The following PTGR1 variants were observed in gnomAD, a reference collection of about 807,000 sequenced individuals.
The protein encoded by PTGR1 is prostaglandin reductase 1.
Under a neutral mutation model 37.7 loss-of-function variants are expected in PTGR1, and 23 were observed. The observed-to-expected ratio is 0.61, with a 90% CI of 0.44 to 0.86. PTGR1 has a LOEUF of 0.86. Ranked by LOEUF, PTGR1 falls within the 40% of genes least tolerant of loss-of-function variation. The pLI is 0.00. For synonymous variants in PTGR1, 134 were observed against 140.0 expected (o/e 0.96, Z 0.30); for missense variants, 351 against 394.3 (o/e 0.89, Z 0.93).
intron 9 of PTGR1, among the ~76,000 whole-genome samples, chr9:111,568,191 T>C (rs921584489): frequency 6.6e-6 from 1 of 152,196 alleles, no homozygotes; most frequent in Non-Finnish European, 1.5e-5. Flanking sequence ...AGAGAGCCTA[T>C]AAATGGATGT....
intron 9 of PTGR1, chr9:111,564,277 T>TTTA (rs3031175): frequency 0.093 from 45,116 of 484,818 alleles, 2,568 homozygotes; most frequent in African/African-American, 0.21. Flanking sequence ...AATTTAAACT[T>TTTA]TTATTATTAT....
intron 3 of PTGR1, among the ~76,000 whole-genome samples, chr9:111,593,558 C>T (rs1441232190): frequency 6.6e-6 from 1 of 152,200 alleles, no homozygotes; most frequent in Non-Finnish European, 1.5e-5. Context: ...CACAGATTCA[C>T]CTACATTAAA....
At chr9:111,586,489 G>A (rs1280560527) in intron 4 of PTGR1, among the ~76,000 whole-genome samples, 1 of 152,064 alleles carries the variant, frequency 6.6e-6, no homozygotes, top group Non-Finnish European at 1.5e-5. Context: ...TTCTTCAGGT[G>A]TCGCTCTCTT....
intron 2 of PTGR1, among the ~76,000 whole-genome samples, chr9:111,594,549 C>CTTTTTTTTTTTTTT (rs71373753): frequency 7.9e-6 from 1 of 127,222 alleles, no homozygotes; most frequent in Non-Finnish European, 1.6e-5. Flanking sequence ...TTTTGGCATT[C>CTTTTTTTTTTTTTT]TTTTTTTTTT....
Position 111,566,122 on chromosome 9 carries a change from G to A in PTGR1, c.880-2891C>T, listed in dbSNP as rs369546186. 3.3e-5 allele frequency among the ~76,000 whole-genome samples: 5 copies of A among 152,018 alleles called. No individual in the cohort carries two copies. The East Asian group carries it at 5.8e-4, about 18-fold the overall frequency. On this transcript the variant is annotated intron_variant, in intron 9 of 9. Transcript: ENST00000407693. ...GGAGGCTGAAGTGGGAGAATCACTC[G>A]AACCCAGGAAGTAGAGGTTGCAGTG...
intron 8 of PTGR1, among the ~76,000 whole-genome samples, chr9:111,572,780 A>AT (rs1828884406): frequency 1.4e-5 from 2 of 147,638 alleles, no homozygotes. Flanking sequence ...AAAAAAAAAA[A>AT]TTAAAAAATT....
At chr9:111,568,681 A>G (rs1003624568) in intron 9 of PTGR1, among the ~76,000 whole-genome samples, 1 of 152,170 alleles carries the variant, frequency 6.6e-6, no homozygotes, top group African/African-American at 2.4e-5. Flanking sequence ...GGTGGGTATC[A>G]CGGTCCTACT....
chr9:111,559,611 T>C (rs1299204407), downstream of PTGR1, among the ~76,000 whole-genome samples: 1 of 150,830 alleles, frequency 6.6e-6, no homozygotes, highest in African/African-American at 2.5e-5. Context: ...CACACACACA[T>C]ATACAACATA....
chr9:111,560,560 G>A (rs1437031725), downstream of PTGR1, among the ~76,000 whole-genome samples: 5 of 142,872 alleles, frequency 3.5e-5, no homozygotes, highest in Non-Finnish European at 7.5e-5. Flanking sequence ...AGAATTGCTT[G>A]AACCCGGGAG....
At chr9:111,554,350 C>A (rs1828060320) in intron 9 of PTGR1, among the ~76,000 whole-genome samples, 1 of 152,204 alleles carries the variant, frequency 6.6e-6, no homozygotes, top group Non-Finnish European at 1.5e-5. Context: ...AATCATATAA[C>A]CCTAACCTAA....
chr9:111,554,038 G>A (rs569825722), intron 9 of PTGR1, among the ~76,000 whole-genome samples: 1 of 152,308 alleles, frequency 6.6e-6, no homozygotes, highest in Admixed American at 6.5e-5. Context: ...AGAAACAGCT[G>A]AGAACCACAG....
chr9:111,564,575 G>C (rs1828468630), intron 9 of PTGR1, among the ~76,000 whole-genome samples: 1 of 151,734 alleles, frequency 6.6e-6, no homozygotes, highest in African/African-American at 2.4e-5. Context: ...CAAAGTGCTA[G>C]GATTACAGGC....
intron 1 of PTGR1, among the ~76,000 whole-genome samples, chr9:111,597,939 C>A (rs968170533): frequency 6.6e-5 from 10 of 151,358 alleles, no homozygotes; most frequent in Non-Finnish European, 1.3e-4. Context: ...AAGGCAGTCT[C>A]AGAACTCCTG....
chr9:111,560,347 G>A (rs1185161752), downstream of PTGR1, among the ~76,000 whole-genome samples: 2 of 151,778 alleles, frequency 1.3e-5, no homozygotes, highest in Non-Finnish European at 2.9e-5. Context: ...GGTGGTGGGC[G>A]CCTGTAGTCC....
chr9:111,563,304 A>G (rs931240862), intron 9 of PTGR1, 73 bp from the exon 10 acceptor site: 2 of 1,395,364 alleles, frequency 1.4e-6, no homozygotes, highest in East Asian at 2.4e-5. Context: ...CATCCTAGCA[A>G]CAAATTTATC....
chr9:111,590,453 G>A (rs1829576301), intron 4 of PTGR1, among the ~76,000 whole-genome samples: 1 of 152,012 alleles, frequency 6.6e-6, no homozygotes, highest in African/African-American at 2.4e-5. Context: ...CTGCCTCCTG[G>A]GTTCAAGCAA....
chr9:111,573,585 G>A (rs1299328273), intron 8 of PTGR1, among the ~76,000 whole-genome samples: 2 of 152,002 alleles, frequency 1.3e-5, no homozygotes, highest in Non-Finnish European at 2.9e-5. Context: ...CCTTTTTTGG[G>A]GGGGGACCAT....
chr9:111,585,868 C>A (rs1282707812), intron 5 of PTGR1, 130 bp downstream of exon 5: 1 of 1,045,830 alleles, frequency 9.6e-7, no homozygotes, highest in Non-Finnish European at 1.4e-6. Flanking sequence ...TGGTCCTGCC[C>A]TCTTCTCTGA....
intron 2 of PTGR1, 151 bp from the exon 3 acceptor site, chr9:111,594,418 T>C (rs1482359163): frequency 1.4e-6 from 1 of 696,170 alleles, no homozygotes; most frequent in Non-Finnish European, 2.6e-6. Context: ...GGTGACAGGA[T>C]CATTCGTACA....
Sources: gnomAD v4.1 joint callset for allele counts (sites outside exome capture counted in the v4.1 genomes callset) on GRCh38, gnomAD v4.1.1 for gene constraint, MANE v1.5 for transcripts, NCBI Gene and HGNC (gene_info 2026-07-23, HGNC 2026-07-21) for gene names.